WDR20: variants seen among roughly 807,000 people sequenced by gnomAD.
The protein encoded by WDR20 is WD repeat-containing protein 20.
In WDR20, 3 loss-of-function variants were observed where a neutral mutation model predicts 38.7. The observed-to-expected ratio is 0.08, with a 90% CI of 0.04 to 0.20. WDR20 has a LOEUF of 0.20. Ranked by LOEUF, WDR20 falls within the 10% of genes least tolerant of loss-of-function variation. WDR20 has a pLI of 1.00. For synonymous variants in WDR20, 298 were observed against 285.6 expected (o/e 1.04, Z -0.44); for missense variants, 559 against 727.7 (o/e 0.77, Z 2.67).
rs1249520143 is a variant in WDR20, at chr14:102,168,576, G to A, written c.250-26362G>A. On this transcript the variant is annotated intron_variant, in intron 1 of 2. Coordinates refer to ENST00000342702, the MANE Select transcript of WDR20 (RefSeq NM_144574.4). The stretch of plus-strand genomic sequence containing the variant: ...TGGCTGCAGCTTCCCAGTTTGGTAT[G>A]TAGATGAGCATTGCTTTTTTTTGAT... Among the ~76,000 whole-genome samples, 6 of 152,156 alleles carry A rather than the reference G, an allele frequency of 3.9e-5. No individual in the cohort carries two copies. The East Asian group carries it at 1.2e-3, about 29-fold the overall frequency.
rs1312928038 is a variant in WDR20 at position 102,210,267 on chromosome 14, A to G, written c.*387A>G. On this transcript the variant is annotated 3_prime_UTR_variant, in exon 3 of 3. Transcript: ENST00000342702. Reference sequence around the variant, plus strand: ...ATTTTTTGCTTAACTACTCAATTAGAATATTGTACACCTGATCAATGTGTG... The same window carrying G: ...ATTTTTTGCTTAACTACTCAATTAGGATATTGTACACCTGATCAATGTGTG... 10 of 1,009,096 alleles carry G rather than the reference A, an allele frequency of 9.9e-6. No individual in the cohort carries two copies. The highest frequency in any genetic ancestry group is 1.0e-4 in the East Asian group (1 of 9,960). The allele number at this position is 1,009,096 out of a possible 1,614,324, so 62.5% of individuals were successfully genotyped here. A position where few individuals can be genotyped will look rare whatever the true frequency, so the allele number is the denominator to read the frequency against.
downstream of WDR20, among the ~76,000 whole-genome samples, chr14:102,210,885 G>T (rs112405565): frequency 1.3e-5 from 2 of 152,216 alleles, no homozygotes; most frequent in African/African-American, 4.8e-5. Flanking sequence ...CAGAGGAAGC[G>T]GAAGTGCAGG....
At chr14:102,170,967 A>G (rs1290344131) in intron 1 of WDR20, among the ~76,000 whole-genome samples, 1 of 150,442 alleles carries the variant, frequency 6.6e-6, no homozygotes, top group Non-Finnish European at 1.5e-5. Context: ...TTTAATAATT[A>G]TTATTATTTT....
At chr14:102,194,741 CTA>C (rs1340957362) in intron 1 of WDR20, among the ~76,000 whole-genome samples, 195 bp from the exon 2 acceptor site, 1 of 152,120 alleles carries the variant, frequency 6.6e-6, no homozygotes, top group Non-Finnish European at 1.5e-5. Context: ...TATAGATAGT[CTA>C]ATAATATCTA....
At chr14:102,146,645 T>C (rs1035627565) in intron 1 of WDR20, among the ~76,000 whole-genome samples, 2 of 152,196 alleles carry the variant, frequency 1.3e-5, no homozygotes, top group African/African-American at 4.8e-5. Context: ...TGTCAAAAAC[T>C]GCAGGACCAC....
chr14:102,148,937 G>A (rs959372569), intron 1 of WDR20, among the ~76,000 whole-genome samples: 5 of 152,110 alleles, frequency 3.3e-5, no homozygotes, highest in African/African-American at 4.8e-5. Flanking sequence ...CGAGGCGGGC[G>A]GATCACGAGG....
At chr14:102,202,372 G>GTTTTTT (rs5811062) in intron 2 of WDR20, among the ~76,000 whole-genome samples, 6 of 67,630 alleles carry the variant, frequency 8.9e-5, no homozygotes, top group African/African-American at 1.2e-4. Flanking sequence ...CTGTATGGAG[G>GTTTTTT]TTTTTTTTTT....
At chr14:102,200,069 G>A (rs543391408) in intron 2 of WDR20, among the ~76,000 whole-genome samples, 160 of 152,304 alleles carry the variant, frequency 1.1e-3, no homozygotes, top group Admixed American at 5.8e-3. Flanking sequence ...GCATGGGCAG[G>A]CCCTGCCCTC....
downstream of WDR20, chr14:102,223,780 C>G (rs1247182663): frequency 2.0e-5 from 3 of 152,044 alleles, no homozygotes; most frequent in Non-Finnish European, 4.4e-5. Context: ...TACTTGAAGC[C>G]CCCTCACCAG....
At chr14:102,224,008 G>C (rs540001217), downstream of WDR20, among the ~76,000 whole-genome samples, 1 of 150,962 alleles carries the variant, frequency 6.6e-6, no homozygotes, top group South Asian at 2.1e-4. Context: ...CATGGGACAT[G>C]AACTAGCTAA....
Position 102,170,507 on chromosome 14 carries a change from T to G in WDR20, c.250-24431T>G, listed in dbSNP as rs145251381. ...ATGAAAGATGGTATAACACTAGAGT[T>G]TTCTGGTGTTTCTTGTGCTATGAAT... is the stretch of plus-strand genomic sequence containing the variant. On this transcript the variant is annotated intron_variant, in intron 1 of 2. Transcript: ENST00000342702. Among the ~76,000 whole-genome samples the G allele has an allele frequency of 1.5e-3, 222 of 152,274 alleles. 2 individuals are homozygous for G. The highest frequency in any genetic ancestry group is 5.1e-3 in the African/African-American group (211 of 41,558).
chr14:102,142,540 AACTC>A (rs2051691681), intron 1 of WDR20, among the ~76,000 whole-genome samples: 1 of 151,984 alleles, frequency 6.6e-6, no homozygotes, highest in Non-Finnish European at 1.5e-5. Flanking sequence ...TACAGCCTCA[AACTC>A]CTGGGCTCAA....
chr14:102,203,126 G>A (rs979162665), intron 2 of WDR20, among the ~76,000 whole-genome samples: 16 of 152,264 alleles, frequency 1.1e-4, no homozygotes, highest in African/African-American at 3.9e-4. Flanking sequence ...CTACTGCTGG[G>A]GGATTTCATG....
chr14:102,146,070 AT>A (rs2053548511), intron 1 of WDR20, among the ~76,000 whole-genome samples: 1 of 150,392 alleles, frequency 6.6e-6, no homozygotes, highest in East Asian at 2.0e-4. Context: ...TGCCTACTTG[AT>A]TTGGAATTGA....
intron 1 of WDR20, among the ~76,000 whole-genome samples, chr14:102,171,889 GT>G (rs766377802): frequency 7.5e-5 from 11 of 145,834 alleles, no homozygotes; most frequent in Admixed American, 4.1e-4. Flanking sequence ...TTTTATTTTT[GT>G]TTTTTTGTTT....
Position 102,210,109 on chromosome 14 carries a change from C to T in WDR20, c.*229C>T. The T allele has an allele frequency of 7.6e-7, 1 of 1,311,036 alleles. No individual in the cohort carries two copies. Among genetic ancestry groups the T allele is most frequent in the Non-Finnish European group, 9.7e-7 (1 of 1,032,180 alleles). The allele number at this position is 1,311,036 out of a possible 1,614,324, so 81.2% of individuals were successfully genotyped here. On this transcript the variant is annotated 3_prime_UTR_variant, in exon 3 of 3. Transcript: ENST00000342702. ...ACTAATTGCCAGCCAAGTCAGTCAT[C>T]CTCCTGGGAGTATATAGAGTCCCAA...
At chr14:102,217,952 C>T (rs537424660), downstream of WDR20, among the ~76,000 whole-genome samples, 1 of 152,358 alleles carries the variant, frequency 6.6e-6, no homozygotes, top group Non-Finnish European at 1.5e-5. Context: ...GCATTGGAGC[C>T]TCAGGGGCTA....
chr14:102,222,259 G>A lies in WDR20; in HGVS notation c.1693-571G>A, dbSNP rs2063981108. Among the ~76,000 whole-genome samples the A allele has an allele frequency of 6.6e-6, 1 of 152,188 alleles. No homozygotes were observed. Among genetic ancestry groups the A allele is most frequent in the African/African-American group, 2.4e-5 (1 of 41,444 alleles). ...TCTGGGGCTCCCCCGACCTCGGCCTGGGCCCTGCTGTCTCTACCTGTGGGG... is the reference window on the plus strand; with the variant it reads ...TCTGGGGCTCCCCCGACCTCGGCCTAGGCCCTGCTGTCTCTACCTGTGGGG... On this transcript the variant is annotated intron_variant, in intron 3 of 3. Coordinates refer to the WDR20 transcript ENST00000335263. This position sits in a 1 kb window ranked among gnomAD's most constrained non-coding sequence, Gnocchi z 4.4.
rs550952015 is a variant in WDR20 at position 102,183,055 on chromosome 14, C to T, written c.250-11883C>T. Among the ~76,000 whole-genome samples the T allele has an allele frequency of 4.6e-5, 7 of 151,810 alleles. No homozygotes were observed. In the East Asian group the frequency reaches 7.8e-4, roughly 17 times the overall value. On this transcript the variant is annotated intron_variant, in intron 1 of 2. Coordinates refer to ENST00000342702, the MANE Select transcript of WDR20 (RefSeq NM_144574.4). ...CTCCAGCCTGGGCAACAGAGCTCTC[C>T]GTCTCAGAGAGAGAGAAAAAAAAAG...
Sources: allele counts gnomAD v4.1 joint callset (sites outside exome capture counted in the v4.1 genomes callset), GRCh38; gene constraint gnomAD v4.1.1; non-coding constraint Gnocchi (gnomAD v3.1); transcripts MANE v1.5; gene names NCBI Gene and HGNC (gene_info 2026-07-23, HGNC 2026-07-21).